The following TCERG1 variants were observed in gnomAD, a reference collection of about 807,000 sequenced individuals.
TCERG1 encodes the protein TATA box binding protein (TBP)-associated factor, RNA polymerase II, S, 150kD.
In TCERG1, 37 loss-of-function variants were observed where a neutral mutation model predicts 144.7. The ratio of observed to expected loss-of-function variants is 0.26; its 90% CI spans 0.20 to 0.34. TCERG1 has a LOEUF of 0.34. Ranked by LOEUF, TCERG1 falls within the 10% of genes least tolerant of loss-of-function variation. The probability of loss-of-function intolerance (pLI) is 1.00; values close to 1 mark genes in which losing one functional copy is unlikely to be tolerated. For synonymous variants in TCERG1, 492 were observed against 458.2 expected, an observed-to-expected ratio of 1.07 and a Z score of -0.94; for missense variants, 1,027 against 1,380.7, an observed-to-expected ratio of 0.74 and a Z score of 4.06.
At chr5:146,468,232 A>G in intron 5 of TCERG1, 109 bp from the exon 6 acceptor site, 1 of 899,640 alleles carries the variant, frequency 1.1e-6, no homozygotes, top group Non-Finnish European at 1.6e-6. Context: ...GGTCTTTTTC[A>G]TTGGAAATAG....
At chr5:146,452,875 G>A (rs907077307) in intron 1 of TCERG1, among the ~76,000 whole-genome samples, 8 of 152,176 alleles carry the variant, frequency 5.3e-5, no homozygotes, top group Non-Finnish European at 1.5e-5. Flanking sequence ...ACAGGCGCGA[G>A]CCACCGTGGG....
At chr5:146,476,488 T>C (rs1313464769) in intron 9 of TCERG1, among the ~76,000 whole-genome samples, 2 of 152,242 alleles carry the variant, frequency 1.3e-5, no homozygotes, top group African/African-American at 4.8e-5. Context: ...TAAAGGCACT[T>C]GGAATAGTTG....
intron 5 of TCERG1, among the ~76,000 whole-genome samples, chr5:146,466,020 CAA>C (rs57028887): frequency 3.7e-4 from 30 of 82,014 alleles, no homozygotes; most frequent in Middle Eastern, 8.6e-3. Context: ...AACTCTGTCT[CAA>C]AAAAAAAAAA....
intron 15 of TCERG1, among the ~76,000 whole-genome samples, chr5:146,483,883 A>G (rs184255236): frequency 1.3e-5 from 2 of 152,148 alleles, no homozygotes; most frequent in East Asian, 1.9e-4. Flanking sequence ...GGTTATGTGT[A>G]GTATGGTTTT....
At chr5:146,466,286 C>T (rs1763784417) in intron 5 of TCERG1, among the ~76,000 whole-genome samples, 1 of 151,998 alleles carries the variant, frequency 6.6e-6, no homozygotes, top group African/African-American at 2.4e-5. Flanking sequence ...TGTAATTTGT[C>T]TTGGAGGCTT....
At chr5:146,496,788 C>G (rs1385693527) in intron 16 of TCERG1, among the ~76,000 whole-genome samples, 1 of 151,482 alleles carries the variant, frequency 6.6e-6, no homozygotes, top group Non-Finnish European at 1.5e-5. Flanking sequence ...AGCAGTCATC[C>G]TGAGTAGCTG....
Position 146,482,304 on chromosome 5 carries a change from G to T in TCERG1, c.1938-288G>T, listed in dbSNP as rs201196985. On this transcript the variant is annotated intron_variant, in intron 13 of 22. Coordinates refer to ENST00000679501, the MANE Select transcript of TCERG1 (RefSeq NM_001382548.1). Reference sequence around the variant, plus strand: ...AACTTTTTTTTTTTTAAGTAAGGTTGCTCCCTTTTTATGTTATTAACCAGT... The same window carrying T: ...AACTTTTTTTTTTTTAAGTAAGGTTTCTCCCTTTTTATGTTATTAACCAGT... 1.7e-4 allele frequency: 33 copies of T among 193,220 alleles called. 1 individual carries two copies. In the East Asian group the frequency reaches 4.2e-3, roughly 24 times the overall value. 12.0% of individuals were successfully genotyped at this position (193,220 alleles called of 1,614,324 possible).
At chr5:146,498,093 TACTC>T (rs1257917518) in intron 16 of TCERG1, among the ~76,000 whole-genome samples, 1 of 151,842 alleles carries the variant, frequency 6.6e-6, no homozygotes, top group African/African-American at 2.4e-5. Context: ...ATTTCAGTCT[TACTC>T]TTTCTGTTGT....
chr5:146,509,677 T>C (rs1461945439), intron 22 of TCERG1, among the ~76,000 whole-genome samples: 1 of 142,974 alleles, frequency 7.0e-6, no homozygotes, highest in Non-Finnish European at 1.5e-5. Context: ...AGCATAAACA[T>C]TTTTTTTTCC....
chr5:146,480,167 G>A lies in TCERG1; in HGVS notation c.1886+73G>A, dbSNP rs969139425. ...GTCGATTTGGTAATAATTTGTGATTGGAAGGGACAGGTAATGTGAATGTTG... is the reference window on the plus strand; with the variant it reads ...GTCGATTTGGTAATAATTTGTGATTAGAAGGGACAGGTAATGTGAATGTTG... On this transcript the variant is annotated intron_variant, in intron 12 of 22. Transcript: ENST00000679501. The A allele has an allele frequency of 4.4e-6, 5 of 1,132,394 alleles. No individual in the cohort carries two copies. The East Asian group carries it at 1.2e-4, about 27-fold the overall frequency. The allele number at this position is 1,132,394 out of a possible 1,614,324, so 70.1% of individuals were successfully genotyped here. A position where few individuals can be genotyped will look rare whatever the true frequency, so the allele number is the denominator to read the frequency against.
At chr5:146,492,881 G>A in intron 15 of TCERG1, 39 bp from the exon 16 acceptor site, 1 of 1,461,204 alleles carries the variant, frequency 6.8e-7, no homozygotes, top group Non-Finnish European at 9.5e-7. Context: ...TTACCTATAT[G>A]AAAGATTGAC....
At chr5:146,491,947 GT>G (rs1766468289) in intron 15 of TCERG1, among the ~76,000 whole-genome samples, 1 of 141,820 alleles carries the variant, frequency 7.1e-6, no homozygotes, top group Non-Finnish European at 1.5e-5. Context: ...ATGAAACTTT[GT>G]TTTTCCCCTC....
intron 9 of TCERG1, among the ~76,000 whole-genome samples, chr5:146,475,213 C>T (rs1175003890): frequency 6.6e-6 from 1 of 152,040 alleles, no homozygotes; most frequent in East Asian, 1.9e-4. Context: ...TGGATTTGTC[C>T]CCATGGTACT....
chr5:146,469,532 T>C lies in TCERG1; in HGVS notation c.1199-12T>C. 2.5e-6 allele frequency: 4 copies of C among 1,568,892 alleles called. No individual in the cohort carries two copies. The highest frequency in any genetic ancestry group is 3.4e-6 in the Non-Finnish European group (4 of 1,163,666). ...GATACTTGGATCTAATTTTTTATTA[T>C]TCTTTTTTTAGGTGTATTGCCAGGA... On this transcript the variant is annotated splice_polypyrimidine_tract_variant and intron_variant, in intron 6 of 22. Coordinates refer to ENST00000679501, the MANE Select transcript of TCERG1 (RefSeq NM_001382548.1).
At chr5:146,501,735 A>G (rs936645340) in intron 17 of TCERG1, among the ~76,000 whole-genome samples, 3 of 152,170 alleles carry the variant, frequency 2.0e-5, no homozygotes, top group Non-Finnish European at 2.9e-5. Flanking sequence ...TACTGGGTTT[A>G]TGAGTATTTC....
Position 146,469,573 on chromosome 5 carries a change from G to T in TCERG1, c.1228G>T (p.Val410Leu). 6.2e-7 allele frequency: 1 copy of T among 1,609,042 alleles called. No individual in the cohort carries two copies. Among genetic ancestry groups the T allele is most frequent in the Admixed American group, 1.7e-5 (1 of 59,208 alleles). The change falls in exon 7 of 23, where the codon GTA becomes TTA. Residue 410 changes from valine to leucine, a missense_variant. Physicochemically the swap from Val to Leu is conservative, Grantham distance 32. This residue lies in a region of TCERG1 where 482 missense variants were observed against 632.6 expected (regional missense o/e 0.76). Transcript: ENST00000679501. Reference sequence around the variant, plus strand: ...ATTGCCAGGAATGGCCCCTCCTATCGTACCCATGATACATCCCCAGGTTGC... The same window carrying T: ...ATTGCCAGGAATGGCCCCTCCTATCTTACCCATGATACATCCCCAGGTTGC... Reference protein sequence around the residue: ...GVLPGMAPPIVPMIHPQVAIA... With the variant: ...GVLPGMAPPILPMIHPQVAIA...
intron 1 of TCERG1, among the ~76,000 whole-genome samples, chr5:146,453,914 C>T (rs780963281): frequency 1.3e-5 from 2 of 151,958 alleles, no homozygotes. Flanking sequence ...AACATTCCTT[C>T]CGGCCAGGCG....
At chr5:146,488,694 A>G (rs1290724176) in intron 15 of TCERG1, among the ~76,000 whole-genome samples, 1 of 152,160 alleles carries the variant, frequency 6.6e-6, no homozygotes, top group East Asian at 1.9e-4. Flanking sequence ...AAACAGAACA[A>G]CGATATGATC....
intron 3 of TCERG1, among the ~76,000 whole-genome samples, chr5:146,457,814 A>G: frequency 6.6e-6 from 1 of 152,156 alleles, no homozygotes; most frequent in East Asian, 1.9e-4. Context: ...CATTATAGAA[A>G]ATTGGGCTGT....
Sources: allele counts gnomAD v4.1 joint callset (sites outside exome capture counted in the v4.1 genomes callset), GRCh38; gene constraint gnomAD v4.1.1; regional missense constraint gnomAD v4.1.1; transcripts MANE v1.5; gene names NCBI Gene and HGNC (gene_info 2026-07-23, HGNC 2026-07-21).